The following CHLSN variants were observed in gnomAD, a reference collection of about 807,000 sequenced individuals.
The protein encoded by CHLSN is cholesin, also known as protein cholesin.
the CHLSN span, among the ~76,000 whole-genome samples, chr7:1,036,619 C>A: frequency 2.0e-4 from 31 of 152,242 alleles, no homozygotes; most frequent in African/African-American, 7.2e-4. Flanking sequence ...TACATGCAAA[C>A]TCCATCATCT....
At chr7:1,136,158 A>G in the CHLSN span, among the ~76,000 whole-genome samples, 1 of 114,486 alleles carries the variant, frequency 8.7e-6, no homozygotes, top group South Asian at 2.8e-4. Flanking sequence ...AAATATATAT[A>G]CATAAATATG....
the CHLSN span, among the ~76,000 whole-genome samples, chr7:1,016,672 CACACGCCAGG>C: frequency 1.7e-4 from 19 of 114,496 alleles, no homozygotes; most frequent in African/African-American, 5.3e-4. Flanking sequence ...CGCACAGCAG[CACACGCCAGG>C]GCACAGCAGC....
the CHLSN span, among the ~76,000 whole-genome samples, chr7:1,111,669 A>T: frequency 7.2e-5 from 11 of 152,302 alleles, 1 homozygote; most frequent in East Asian, 1.9e-3. Context: ...GCATGGTGAT[A>T]CATAAACCTG....
At chr7:988,612 C>T in the CHLSN span, 6 of 1,603,752 alleles carry the variant, frequency 3.7e-6, no homozygotes, top group Non-Finnish European at 4.2e-6. Flanking sequence ...GCAGCCCACT[C>T]TGTGCCTGGA....
At chr7:978,301 T>G in the CHLSN span, among the ~76,000 whole-genome samples, 1 of 152,168 alleles carries the variant, frequency 6.6e-6, no homozygotes, top group East Asian at 1.9e-4. Context: ...GCGGACCACT[T>G]GAGCCCAGGA....
At chr7:1,071,005 CGCACAT>C in the CHLSN span, among the ~76,000 whole-genome samples, 1 of 146,758 alleles carries the variant, frequency 6.8e-6, no homozygotes, top group Non-Finnish European at 1.6e-5. Flanking sequence ...CACGTGCACA[CGCACAT>C]GCACACACAT....
At chr7:1,098,857 G>A in the CHLSN span, among the ~76,000 whole-genome samples, 10 of 152,358 alleles carry the variant, frequency 6.6e-5, no homozygotes, top group African/African-American at 2.2e-4. Flanking sequence ...ACTGCTGACA[G>A]GCAATGGAGT....
At chr7:1,007,795 G>A in the CHLSN span, among the ~76,000 whole-genome samples, 1 of 152,162 alleles carries the variant, frequency 6.6e-6, no homozygotes, top group Non-Finnish European at 1.5e-5. Flanking sequence ...GTCCCAGAGG[G>A]GGAGAGGAGG....
the CHLSN span, among the ~76,000 whole-genome samples, chr7:1,049,201 C>T: frequency 0.067 from 10,201 of 152,274 alleles, 1,084 homozygotes; most frequent in African/African-American, 0.23. Flanking sequence ...CCCTGCCCCA[C>T]GTTTCCCCTG....
chr7:1,090,276 C>G, the CHLSN span, among the ~76,000 whole-genome samples: 1 of 152,230 alleles, frequency 6.6e-6, no homozygotes, highest in African/African-American at 2.4e-5. Context: ...CCACCAGCAC[C>G]CCCCTGTGAC....
chr7:1,076,319 G>A, the CHLSN span: 10 of 159,744 alleles, frequency 6.3e-5, no homozygotes, highest in Non-Finnish European at 1.1e-4. Context: ...GAGGAGCACC[G>A]CCAAGGAGGA....
the CHLSN span, among the ~76,000 whole-genome samples, chr7:1,022,683 AG>A: frequency 6.6e-6 from 1 of 152,168 alleles, no homozygotes; most frequent in Non-Finnish European, 1.5e-5. Flanking sequence ...AGAAACACAC[AG>A]GGGATTAATT....
At chr7:1,059,962 G>A in the CHLSN span, among the ~76,000 whole-genome samples, 1 of 111,982 alleles carries the variant, frequency 8.9e-6, no homozygotes. Flanking sequence ...GCGGGTCTTA[G>A]GCGGGCCCGT....
the CHLSN span, among the ~76,000 whole-genome samples, chr7:1,099,058 C>T: frequency 2.0e-5 from 3 of 152,258 alleles, no homozygotes; most frequent in Non-Finnish European, 4.4e-5. Context: ...AGCTGGCCTT[C>T]CTTTTCAGAG....
the CHLSN span, among the ~76,000 whole-genome samples, chr7:1,037,674 TG>T: frequency 8.1e-6 from 1 of 123,850 alleles, no homozygotes; most frequent in African/African-American, 2.9e-5. Context: ...CCACCCCGTC[TG>T]GGAAGTGAGG....
the CHLSN span, chr7:1,127,418 A>C: frequency 6.3e-7 from 1 of 1,581,180 alleles, no homozygotes; most frequent in Non-Finnish European, 8.6e-7. Flanking sequence ...GCTGAAGACA[A>C]GGAAATGAAA....
the CHLSN span, among the ~76,000 whole-genome samples, chr7:1,094,484 G>A: frequency 6.6e-6 from 1 of 152,230 alleles, no homozygotes; most frequent in Non-Finnish European, 1.5e-5. Context: ...ATATTGAAAG[G>A]AAAAGGCCAA....
At chr7:1,065,583 G>C in the CHLSN span, among the ~76,000 whole-genome samples, 1 of 152,188 alleles carries the variant, frequency 6.6e-6, no homozygotes, top group Non-Finnish European at 1.5e-5. Context: ...AAGTACTGGA[G>C]CCTCTTCAGC....
chr7:1,011,790 C>A, the CHLSN span, among the ~76,000 whole-genome samples: 5 of 152,104 alleles, frequency 3.3e-5, no homozygotes, highest in African/African-American at 1.2e-4. Flanking sequence ...TAGAGCCTGC[C>A]AGGGGTCCGC....
Sources: gnomAD v4.1 joint callset for allele counts (sites outside exome capture counted in the v4.1 genomes callset) on GRCh38, gnomAD v4.1.1 for gene constraint, MANE v1.5 for transcripts, NCBI Gene and HGNC (gene_info 2026-07-23, HGNC 2026-07-21) for gene names.